Variants in BRMS1L observed in about 807,000 individuals in gnomAD.
The protein encoded by BRMS1L is breast cancer metastasis-suppressor 1-like protein.
Under a neutral mutation model 50.3 loss-of-function variants are expected in BRMS1L, and 23 were observed. The observed-to-expected ratio is 0.46, with a 90% CI of 0.33 to 0.65. BRMS1L has a LOEUF of 0.65. Ranked by LOEUF, BRMS1L falls within the 30% of genes least tolerant of loss-of-function variation. BRMS1L has a pLI of 0.02. For synonymous variants in BRMS1L, 114 were observed against 126.9 expected (o/e 0.90, Z 0.69); for missense variants, 286 against 386.1 (o/e 0.74, Z 2.17).
At chr14:35,867,564 A>G (rs1258764854) in intron 8 of BRMS1L, among the ~76,000 whole-genome samples, 1 of 152,226 alleles carries the variant, frequency 6.6e-6, no homozygotes, top group Non-Finnish European at 1.5e-5. Flanking sequence ...AATAAAAAGT[A>G]TAATTTTCAA....
chr14:35,852,943 A>T (rs1247845112), intron 4 of BRMS1L, among the ~76,000 whole-genome samples: 1 of 152,054 alleles, frequency 6.6e-6, no homozygotes, highest in Non-Finnish European at 1.5e-5. Flanking sequence ...AAAAAAAAAA[A>T]ATTTCTAATA....
chr14:35,841,994 TCTG>T (rs1298878472), intron 4 of BRMS1L, among the ~76,000 whole-genome samples: 3 of 149,310 alleles, frequency 2.0e-5, no homozygotes, highest in Non-Finnish European at 4.4e-5. Flanking sequence ...GATTGCAATC[TCTG>T]CTTTTTTTTT....
intron 2 of BRMS1L, 106 bp from the exon 3 acceptor site, chr14:35,832,858 ATATATTTGATAGAT>A: frequency 1.1e-6 from 1 of 921,570 alleles, no homozygotes; most frequent in Non-Finnish European, 1.6e-6. Context: ...TCAAGGCAAA[ATATATTTGATAGAT>A]TATTAGAATA....
chr14:35,850,741 T>A lies in BRMS1L; in HGVS notation c.442-11849T>A, dbSNP rs899229664. ...CGTTTAAGTCTTTAATCTGCTTTGATTTTATTTTTGTGTGTGTTGTACAAT... is the reference window on the plus strand; with the variant it reads ...CGTTTAAGTCTTTAATCTGCTTTGAATTTATTTTTGTGTGTGTTGTACAAT... On this transcript the variant is annotated intron_variant, in intron 4 of 9. Transcript: ENST00000216807. Among the ~76,000 whole-genome samples the A allele has an allele frequency of 5.3e-5, 8 of 152,224 alleles. No homozygotes were observed. In the East Asian group the frequency reaches 5.8e-4, roughly 11 times the overall value.
At chr14:35,835,688 T>C (rs919909159) in intron 4 of BRMS1L, among the ~76,000 whole-genome samples, 4 of 151,838 alleles carry the variant, frequency 2.6e-5, no homozygotes, top group Non-Finnish European at 5.9e-5. Context: ...CTACAAAAAA[T>C]AGAAAAATTA....
intron 4 of BRMS1L, among the ~76,000 whole-genome samples, chr14:35,842,311 G>A (rs536330458): frequency 2.6e-5 from 4 of 152,176 alleles, no homozygotes; most frequent in African/African-American, 9.6e-5. Context: ...GCAGTGGCTG[G>A]TACCAGTTTT....
chr14:35,845,451 A>G (rs1224662823), intron 4 of BRMS1L, among the ~76,000 whole-genome samples: 7 of 152,106 alleles, frequency 4.6e-5, no homozygotes, highest in Non-Finnish European at 1.5e-5. Flanking sequence ...CTTTGTCTGC[A>G]TCTATTGAAT....
intron 9 of BRMS1L, among the ~76,000 whole-genome samples, chr14:35,868,478 T>G (rs764396518): frequency 1.3e-5 from 2 of 152,170 alleles, no homozygotes; most frequent in African/African-American, 2.4e-5. Context: ...CCCTTAAGAT[T>G]AATAGTAATT....
Position 35,826,551 on chromosome 14 carries a change from C to T in BRMS1L, c.35C>T (p.Thr12Ile). The T allele has an allele frequency of 6.2e-7, 1 of 1,602,386 alleles. No homozygotes were observed. The highest frequency in any genetic ancestry group is 8.5e-7 in the Non-Finnish European group (1 of 1,175,364). The part of the protein sequence containing the change: ...PVHSRGDKKE[T>I]NHHDEMEVDY... The stretch of plus-strand genomic sequence containing the variant: ...CATTCCCGAGGGGATAAGAAGGAGA[C>T]CAACCATCACGATGAGATGGAGGTG... The change falls in exon 1 of 10, where the codon ACC becomes ATC. Residue 12 changes from threonine (T) to isoleucine (I), a missense_variant. Around this residue, in one of 5 missense-constraint regions of BRMS1L, gnomAD observed 66 missense variants for 67.8 expected, o/e 0.97. Coordinates refer to ENST00000216807, the MANE Select transcript of BRMS1L (RefSeq NM_032352.4).
At chr14:35,828,213 C>T (rs2077869729) in intron 1 of BRMS1L, among the ~76,000 whole-genome samples, 1 of 151,960 alleles carries the variant, frequency 6.6e-6, no homozygotes, top group Admixed American at 6.6e-5. Flanking sequence ...CGCTCTGTTG[C>T]CCAGGCTGGA....
chr14:35,826,941 A>T (rs921237870), intron 1 of BRMS1L, among the ~76,000 whole-genome samples: 7 of 152,174 alleles, frequency 4.6e-5, no homozygotes, highest in Admixed American at 3.3e-4. Context: ...GCCCAGGCGG[A>T]CAACTTCCCG....
chr14:35,864,790 G>A, intron 6 of BRMS1L, 145 bp from the exon 7 acceptor site: 4 of 614,994 alleles, frequency 6.5e-6, no homozygotes, highest in South Asian at 2.1e-5. Flanking sequence ...GTACTAAGTG[G>A]TTTGAAGAAT....
chr14:35,826,353 G>T lies in BRMS1L; in HGVS notation c.-164G>T. ...CGCCAATGGCAGAGCTCCCATCGCAGAGCCTGCGGGTTAGGTTGTGAGGCC... is the reference window on the plus strand; with the variant it reads ...CGCCAATGGCAGAGCTCCCATCGCATAGCCTGCGGGTTAGGTTGTGAGGCC... On this transcript the variant is annotated 5_prime_UTR_variant, in exon 1 of 10. Transcript: ENST00000216807. 1.9e-6 allele frequency: 2 copies of T among 1,037,148 alleles called. No homozygotes were observed. The highest frequency in any genetic ancestry group is 2.8e-6 in the Non-Finnish European group (2 of 725,814). The allele number at this position is 1,037,148 out of a possible 1,614,324, so 64.2% of individuals were successfully genotyped here.
intron 4 of BRMS1L, among the ~76,000 whole-genome samples, chr14:35,840,025 T>C (rs1461801167): frequency 1.3e-5 from 2 of 152,236 alleles, no homozygotes; most frequent in East Asian, 3.8e-4. Flanking sequence ...ATAGCTCTTA[T>C]TATTTTGAGA....
intron 1 of BRMS1L, among the ~76,000 whole-genome samples, chr14:35,827,932 C>T (rs1000253781): frequency 1.3e-5 from 2 of 152,016 alleles, no homozygotes; most frequent in African/African-American, 2.4e-5. Flanking sequence ...GAGTTTGGGG[C>T]TTATTCAAAA....
intron 4 of BRMS1L, among the ~76,000 whole-genome samples, chr14:35,846,936 T>G (rs990819057): frequency 6.6e-6 from 1 of 152,132 alleles, no homozygotes. Context: ...TCAGAATTTC[T>G]GTGATGGTGG....
intron 3 of BRMS1L, among the ~76,000 whole-genome samples, chr14:35,833,881 T>C (rs1323474545): frequency 1.3e-5 from 2 of 152,204 alleles, no homozygotes; most frequent in East Asian, 3.8e-4. Context: ...AACCAAATTT[T>C]ATTTTTGAGT....
Position 35,832,961 on chromosome 14 carries a change from AT to A in BRMS1L, c.234-12del. On this transcript the variant is annotated splice_polypyrimidine_tract_variant and intron_variant, in intron 2 of 9. Coordinates refer to ENST00000216807, the MANE Select transcript of BRMS1L (RefSeq NM_032352.4). ...TTGAGATTTTTAAATTAACATATTAATTTTTGCTTTGTTAAGACTTTATAAA... is the reference window on the plus strand; with the variant it reads ...TTGAGATTTTTAAATTAACATATTAATTTTGCTTTGTTAAGACTTTATAAA... 1 of 1,580,386 alleles carries A rather than the reference AT, an allele frequency of 6.3e-7. No individual in the cohort carries two copies. Among genetic ancestry groups the A allele is most frequent in the Non-Finnish European group, 8.6e-7 (1 of 1,162,228 alleles).
chr14:35,837,551 T>C (rs1457854813), intron 4 of BRMS1L, among the ~76,000 whole-genome samples: 2 of 152,094 alleles, frequency 1.3e-5, no homozygotes, highest in Non-Finnish European at 2.9e-5. Flanking sequence ...CTTTGCTCTT[T>C]TTCTTCTTCT....
Sources: allele counts gnomAD v4.1 joint callset (sites outside exome capture counted in the v4.1 genomes callset), GRCh38; gene constraint gnomAD v4.1.1; regional missense constraint gnomAD v4.1.1; transcripts MANE v1.5; gene names NCBI Gene and HGNC (gene_info 2026-07-23, HGNC 2026-07-21).